ERBB4: variants seen among roughly 807,000 people sequenced by gnomAD.
ERBB4 encodes the protein erb-b2 receptor tyrosine kinase 4, also known as receptor tyrosine-protein kinase erbB-4.
A neutral mutation model predicts 158.0 loss-of-function variants in ERBB4; 42 were observed. The observed-to-expected ratio is 0.27, with a 90% CI of 0.21 to 0.34. ERBB4 has a LOEUF of 0.34. ERBB4 is among the 10% of genes least tolerant of loss of function. The pLI, the probability that ERBB4 is intolerant of heterozygous loss-of-function variation, is 1.00. For synonymous variants in ERBB4, 583 were observed against 558.7 expected (o/e 1.04, Z -0.61); for missense variants, 1,333 against 1,624.1 (o/e 0.82, Z 3.08).
chr2:211,802,035 G>A (rs577438542), intron 3 of ERBB4, among the ~76,000 whole-genome samples: 18 of 152,192 alleles, frequency 1.2e-4, no homozygotes, highest in East Asian at 7.7e-4. Context: ...CGAGGCGGGC[G>A]GATCACGAGG....
intron 19 of ERBB4, among the ~76,000 whole-genome samples, chr2:211,599,536 T>TG (rs1559336933): frequency 3.3e-5 from 5 of 150,374 alleles, no homozygotes; most frequent in African/African-American, 4.9e-5. Context: ...TGTGTGTGTG[T>TG]TTCCTGTCAA....
intron 2 of ERBB4, among the ~76,000 whole-genome samples, chr2:212,106,216 G>A (rs896188987): frequency 6.6e-6 from 1 of 152,182 alleles, no homozygotes; most frequent in Non-Finnish European, 1.5e-5. Context: ...ACTCCCTAGA[G>A]ACTTGCTGAA....
chr2:212,507,886 G>A (rs983875834), intron 1 of ERBB4, among the ~76,000 whole-genome samples: 1 of 152,158 alleles, frequency 6.6e-6, no homozygotes, highest in African/African-American at 2.4e-5. Context: ...TTTGAAAAGA[G>A]TTATATTGTG....
chr2:211,785,607 G>C (rs1260736170), intron 4 of ERBB4, among the ~76,000 whole-genome samples: 4 of 152,078 alleles, frequency 2.6e-5, no homozygotes, highest in Admixed American at 6.5e-5. Context: ...CATGGCATAT[G>C]ATGAGGCCCA....
At chr2:211,642,637 T>G (rs1207284345) in intron 16 of ERBB4, among the ~76,000 whole-genome samples, 1 of 152,116 alleles carries the variant, frequency 6.6e-6, no homozygotes, top group Admixed American at 6.6e-5. Flanking sequence ...AGTGCTAGAA[T>G]TTTGCCACAA....
intron 20 of ERBB4, among the ~76,000 whole-genome samples, chr2:211,549,193 A>C: frequency 6.6e-6 from 1 of 152,064 alleles, no homozygotes; most frequent in Non-Finnish European, 1.5e-5. Context: ...GCAAGATGTA[A>C]AATTGCAATT....
intron 3 of ERBB4, among the ~76,000 whole-genome samples, chr2:211,913,261 T>C (rs1220820484): frequency 6.6e-6 from 1 of 152,068 alleles, no homozygotes. Flanking sequence ...ATAATAAACA[T>C]AGAATGTGGC....
chr2:212,166,796 C>T (rs2081358963), intron 1 of ERBB4, among the ~76,000 whole-genome samples: 1 of 152,090 alleles, frequency 6.6e-6, no homozygotes, highest in Non-Finnish European at 1.5e-5. Flanking sequence ...CACACATCTA[C>T]AACCATCTGA....
intron 1 of ERBB4, among the ~76,000 whole-genome samples, chr2:212,331,075 C>CATATATATATATATATACACGT (rs1553619158): frequency 2.8e-4 from 6 of 21,292 alleles, no homozygotes; most frequent in Admixed American, 6.4e-4. Context: ...TATATATACA[C>CATATATATATATATATACACGT]ATATATATAT....
At position 211,724,102 on chromosome 2, in the gene ERBB4, C is replaced by T. The variant is rs10201860; in HGVS notation, c.741+974G>A. Among the ~76,000 whole-genome samples, 432 of 152,264 alleles carry T rather than the reference C, an allele frequency of 2.8e-3. 1 individual carries two copies. Among genetic ancestry groups the T allele is most frequent in the Middle Eastern group, 0.01 (3 of 294 alleles). On this transcript the variant is annotated intron_variant, in intron 6 of 27. Coordinates refer to ENST00000342788, the MANE Select transcript of ERBB4 (RefSeq NM_005235.3). The stretch of plus-strand genomic sequence containing the variant: ...TCTTCAGAATCAAGCTTCCATCCTA[C>T]GTCTGATGAAAGACAGAGGAAGGTT...
chr2:212,008,951 C>A (rs1013723061), intron 2 of ERBB4, among the ~76,000 whole-genome samples: 1 of 152,062 alleles, frequency 6.6e-6, no homozygotes, highest in African/African-American at 2.4e-5. Context: ...GGACAGAGTT[C>A]ACATGAGTAA....
chr2:211,972,477 G>T (rs938878877), intron 2 of ERBB4, among the ~76,000 whole-genome samples: 1 of 152,162 alleles, frequency 6.6e-6, no homozygotes, highest in African/African-American at 2.4e-5. Context: ...AAAGCTGGAG[G>T]CATCATGCTA....
chr2:211,920,976 A>G (rs2079844674), intron 3 of ERBB4, among the ~76,000 whole-genome samples: 1 of 151,982 alleles, frequency 6.6e-6, no homozygotes, highest in Admixed American at 6.6e-5. Flanking sequence ...CAATCTACAC[A>G]AATGTATATT....
At chr2:211,988,823 G>A (rs17336823) in intron 2 of ERBB4, among the ~76,000 whole-genome samples, 13,317 of 151,944 alleles carry the variant, frequency 0.088, 770 homozygotes, top group Non-Finnish European at 0.13. Flanking sequence ...CAAGGTCATT[G>A]GAGCTTAAGT....
intron 1 of ERBB4, among the ~76,000 whole-genome samples, chr2:212,422,608 T>C (rs1163250361): frequency 6.6e-6 from 1 of 152,100 alleles, no homozygotes; most frequent in Non-Finnish European, 1.5e-5. Flanking sequence ...ACTTAGACAA[T>C]ACTAACCAAC....
intron 12 of ERBB4, among the ~76,000 whole-genome samples, chr2:211,695,246 G>C (rs939069615): frequency 2.6e-5 from 4 of 152,112 alleles, no homozygotes; most frequent in African/African-American, 9.7e-5. Flanking sequence ...GTCATCCAGA[G>C]AGTTCAGTTA....
intron 2 of ERBB4, among the ~76,000 whole-genome samples, chr2:212,060,752 T>C (rs905925724): frequency 3.4e-5 from 5 of 148,922 alleles, no homozygotes; most frequent in African/African-American, 7.3e-5. Context: ...TAGATGGGAA[T>C]TGAACAATGA....
At chr2:212,531,285 A>G (rs536536904) in intron 1 of ERBB4, among the ~76,000 whole-genome samples, 1 of 152,212 alleles carries the variant, frequency 6.6e-6, no homozygotes, top group Non-Finnish European at 1.5e-5. Context: ...GAGGGAACTC[A>G]GCTACAACCA....
chr2:212,294,416 T>C (rs2086332829), intron 1 of ERBB4, among the ~76,000 whole-genome samples: 1 of 152,052 alleles, frequency 6.6e-6, no homozygotes. Flanking sequence ...CTGATTTTTG[T>C]TGTTGTTGTT....
Sources: allele counts gnomAD v4.1 joint callset (sites outside exome capture counted in the v4.1 genomes callset), GRCh38; gene constraint gnomAD v4.1.1; transcripts MANE v1.5; gene names NCBI Gene and HGNC (gene_info 2026-07-23, HGNC 2026-07-21).